The following DCAF5 variants were observed in gnomAD, a reference collection of about 807,000 sequenced individuals.
DCAF5 encodes the protein DDB1- and CUL4-associated factor 5.
Under a neutral mutation model 80.7 loss-of-function variants are expected in DCAF5, and 9 were observed. That is an observed-to-expected ratio of 0.11 (90% confidence interval 0.07 to 0.19). The LOEUF (loss-of-function observed/expected upper bound fraction) is 0.19. Ranked by LOEUF, DCAF5 falls within the 10% of genes least tolerant of loss-of-function variation. The probability of loss-of-function intolerance (pLI) is 1.00; values close to 1 mark genes in which losing one functional copy is unlikely to be tolerated. For synonymous variants in DCAF5, 433 were observed against 461.9 expected, an observed-to-expected ratio of 0.94 and a Z score of 0.80; for missense variants, 842 against 1,205.7, an observed-to-expected ratio of 0.70 and a Z score of 4.47.
At chr14:69,130,910 C>T (rs1211983053) in intron 1 of DCAF5, among the ~76,000 whole-genome samples, 1 of 152,130 alleles carries the variant, frequency 6.6e-6, no homozygotes, top group Non-Finnish European at 1.5e-5. Context: ...TACTCCTCTA[C>T]CCTAATTTTT....
rs1452645505 is a variant in DCAF5, at chr14:69,119,239, G to T, written c.359-9C>A. The T allele has an allele frequency of 1.4e-5, 23 of 1,612,788 alleles. No individual in the cohort carries two copies. The highest frequency in any genetic ancestry group is 1.9e-5 in the Non-Finnish European group (22 of 1,179,582). ...AACTTGCTCATCATTGCCTGCAAAA[G>T]AAAAAAGCAGACATCTGATCATTCG... On this transcript the variant is annotated splice_polypyrimidine_tract_variant and intron_variant, in intron 2 of 8. Transcript: ENST00000341516.
intron 1 of DCAF5, among the ~76,000 whole-genome samples, chr14:69,137,831 A>G (rs2041241616): frequency 6.6e-6 from 1 of 152,236 alleles, no homozygotes; most frequent in African/African-American, 2.4e-5. Context: ...AACTTTTATT[A>G]CAGTATAATA....
intron 6 of DCAF5, among the ~76,000 whole-genome samples, chr14:69,082,690 TGAG>T (rs2039159524): frequency 6.6e-6 from 1 of 152,028 alleles, no homozygotes; most frequent in Non-Finnish European, 1.5e-5. Context: ...GACTGGGGAG[TGAG>T]GAGATGATAG....
Position 69,051,730 on chromosome 14 carries a change from C to T in DCAF5, c.*2127G>A, listed in dbSNP as rs922226467. The T allele has an allele frequency of 3.3e-5, 5 of 152,256 alleles. No homozygotes were observed. Among genetic ancestry groups the T allele is most frequent in the African/African-American group, 9.7e-5 (4 of 41,324 alleles). 9.4% of individuals were successfully genotyped at this position (152,256 alleles called of 1,614,324 possible). ...ACTTCTTTTCAGGAAGATATGTATC[C>T]GATTGTCCTTTGAGAAGTCAGAAGA... On this transcript the variant is annotated 3_prime_UTR_variant, in exon 9 of 9. Coordinates refer to ENST00000341516, the MANE Select transcript of DCAF5 (RefSeq NM_003861.3).
intron 1 of DCAF5, among the ~76,000 whole-genome samples, chr14:69,134,338 G>C (rs576498938): frequency 6.6e-6 from 1 of 152,308 alleles, no homozygotes; most frequent in South Asian, 2.1e-4. Context: ...CCGTGACTTA[G>C]ACTTTATAGT....
intron 1 of DCAF5, among the ~76,000 whole-genome samples, chr14:69,131,839 G>A (rs1166129515): frequency 6.9e-6 from 1 of 144,478 alleles, no homozygotes; most frequent in African/African-American, 2.6e-5. Flanking sequence ...TTTTCATATC[G>A]TTGTGCAACC....
At position 69,055,757 on chromosome 14, in the gene DCAF5, C is replaced by G; in HGVS notation, c.1075-146G>C. On this transcript the variant is annotated intron_variant, in intron 8 of 8. Transcript: ENST00000341516. The surrounding 1 kb of genome is among the most constrained non-coding windows in gnomAD (Gnocchi z 5.6). ...TTGCTAACCAACTTAAAAATAAGTT[C>G]TTTACCAGACTGGATCATGTGGGTT... The G allele has an allele frequency of 1.2e-6, 1 of 805,176 alleles. No homozygotes were observed. Among genetic ancestry groups the G allele is most frequent in the Non-Finnish European group, 1.9e-6 (1 of 519,194 alleles). 49.9% of individuals were successfully genotyped at this position (805,176 alleles called of 1,614,324 possible).
In DCAF5 at chr14:69,053,787, G is replaced by A; in HGVS notation, c.*70C>T. On this transcript the variant is annotated 3_prime_UTR_variant, in exon 9 of 9. Transcript: ENST00000341516. ...TTAATACTTGTTTTTCCTTTCCTCT[G>A]TATTCACTAAACAATTTTTTTTTTT... The A allele has an allele frequency of 7.0e-7, 1 of 1,438,404 alleles. No individual in the cohort carries two copies. The highest frequency in any genetic ancestry group is 9.3e-7 in the Non-Finnish European group (1 of 1,080,354). 89.1% of individuals were successfully genotyped at this position (1,438,404 alleles called of 1,614,324 possible). A position where few individuals can be genotyped will look rare whatever the true frequency, so the allele number is the denominator to read the frequency against.
chr14:69,094,463 A>G (rs899338079), intron 5 of DCAF5, among the ~76,000 whole-genome samples: 12 of 152,222 alleles, frequency 7.9e-5, no homozygotes, highest in Admixed American at 3.9e-4. Flanking sequence ...CAAAGAAAGT[A>G]CAAAGGAATC....
chr14:69,149,006 T>C (rs2041626589), intron 1 of DCAF5, among the ~76,000 whole-genome samples: 1 of 152,192 alleles, frequency 6.6e-6, no homozygotes, highest in African/African-American at 2.4e-5. Context: ...CTATTAACAA[T>C]ACTGTAATAA....
intron 1 of DCAF5, among the ~76,000 whole-genome samples, chr14:69,131,759 CTTTTTT>C (rs11458918): frequency 1.5e-5 from 2 of 133,872 alleles, no homozygotes; most frequent in Non-Finnish European, 3.2e-5. Flanking sequence ...ACTTTCCAGG[CTTTTTT>C]TTTTTTTTTA....
intron 5 of DCAF5, among the ~76,000 whole-genome samples, chr14:69,097,612 G>A: frequency 7.1e-6 from 1 of 140,634 alleles, no homozygotes; most frequent in African/African-American, 2.6e-5. Context: ...TTTGAGACAG[G>A]GTCTCACTTT....
At chr14:69,099,206 T>TTC (rs1220374888) in intron 5 of DCAF5, among the ~76,000 whole-genome samples, 1 of 146,090 alleles carries the variant, frequency 6.8e-6, no homozygotes, top group East Asian at 2.1e-4. Context: ...GAGCTGAGAT[T>TTC]GCACCACGGC....
chr14:69,057,559 G>A (rs1010236977), intron 8 of DCAF5, among the ~76,000 whole-genome samples: 1 of 152,156 alleles, frequency 6.6e-6, no homozygotes, highest in African/African-American at 2.4e-5. Context: ...AAGTTCCAGT[G>A]TATTACTACC....
chr14:69,101,337 A>T (rs2039945138), intron 5 of DCAF5, among the ~76,000 whole-genome samples: 1 of 152,246 alleles, frequency 6.6e-6, no homozygotes, highest in Non-Finnish European at 1.5e-5. Flanking sequence ...CTTTCATTTA[A>T]ATATTTATTG....
Position 69,091,856 on chromosome 14 carries a change from G to A in DCAF5, c.697C>T (p.Leu233Phe). The change falls in exon 6 of 9, where the codon CTC becomes TTC. Residue 233 changes from leucine to phenylalanine, a missense_variant. Leu to Phe is a conservative substitution (Grantham distance 22, BLOSUM62 0). Transcript: ENST00000341516. ...SLLRYGGNLSLQSAMSVRFNS... is the reference protein window; with the variant it reads ...SLLRYGGNLSFQSAMSVRFNS... ...AATCGTACACTCATGGCACTTTGGA[G>A]GGACAGGTTTCCACCATAGCGCAGG... 1.2e-6 allele frequency: 2 copies of A among 1,613,876 alleles called. No homozygotes were observed. Among genetic ancestry groups the A allele is most frequent in the Non-Finnish European group, 1.7e-6 (2 of 1,179,894 alleles).
rs1265190190 is a variant in DCAF5 at position 69,054,379 on chromosome 14, G to A, written c.2307C>T (p.Gly769=). The A allele has an allele frequency of 6.2e-7, 1 of 1,614,102 alleles. No homozygotes were observed. ...TGGTTTCAAAAGGGTGCTCTACAGA[G>A]CCGCTATTGCCAGTGTCCTGAGAGG... ...EGTSQDTGNS[G]SVEHPFETKK... is the part of the protein sequence containing the mutation. The change falls in exon 9 of 9, where the codon GGC becomes GGT. Residue 769 remains glycine (G), a synonymous_variant. Coordinates refer to ENST00000341516, the MANE Select transcript of DCAF5 (RefSeq NM_003861.3).
chr14:69,081,107 A>T (rs2039083905), intron 6 of DCAF5, among the ~76,000 whole-genome samples: 1 of 152,134 alleles, frequency 6.6e-6, no homozygotes. Flanking sequence ...AATGAAACTC[A>T]CTTCGCACAG....
At chr14:69,149,484 T>C (rs924351276) in intron 1 of DCAF5, 1 of 152,218 alleles carries the variant, frequency 6.6e-6, no homozygotes, top group African/African-American at 2.4e-5. Context: ...GGCCTCACTG[T>C]GCCCTGGAAA....
Sources: allele counts gnomAD v4.1 joint callset (sites outside exome capture counted in the v4.1 genomes callset), GRCh38; gene constraint gnomAD v4.1.1; non-coding constraint Gnocchi (gnomAD v3.1); transcripts MANE v1.5; gene names NCBI Gene and HGNC (gene_info 2026-07-23, HGNC 2026-07-21).